Variants in EGFLAM observed in about 807,000 individuals in gnomAD.
EGFLAM encodes pikachurin.
Under a neutral mutation model 113.1 loss-of-function variants are expected in EGFLAM, and 79 were observed. The observed-to-expected ratio is 0.70, with a 90% CI of 0.58 to 0.84. The LOEUF (loss-of-function observed/expected upper bound fraction) is 0.84. Ranked by LOEUF, EGFLAM falls within the 40% of genes least tolerant of loss-of-function variation. The pLI is 0.00. For synonymous variants in EGFLAM, 504 were observed against 487.6 expected (o/e 1.03, Z -0.44); for missense variants, 1,265 against 1,291.6 (o/e 0.98, Z 0.32).
chr5:38,436,836 G>A (rs1005974770), intron 16 of EGFLAM, among the ~76,000 whole-genome samples: 3 of 152,200 alleles, frequency 2.0e-5, no homozygotes, highest in Non-Finnish European at 2.9e-5. Flanking sequence ...GATTGTAGAA[G>A]GATCCTGGCT....
intron 5 of EGFLAM, among the ~76,000 whole-genome samples, chr5:38,368,250 G>A (rs1362858348): frequency 6.6e-6 from 1 of 152,182 alleles, no homozygotes; most frequent in African/African-American, 2.4e-5. Context: ...TTGTAAATGT[G>A]TTTCCTTCCA....
chr5:38,390,253 T>C (rs1053505771), intron 6 of EGFLAM, among the ~76,000 whole-genome samples: 3 of 152,214 alleles, frequency 2.0e-5, no homozygotes, highest in African/African-American at 7.2e-5. Flanking sequence ...TTAGCATTTT[T>C]TATAAATGCT....
At chr5:38,463,787 C>A in intron 21 of EGFLAM, 45 bp from the exon 22 acceptor site, 2 of 1,604,344 alleles carry the variant, frequency 1.2e-6, no homozygotes, top group South Asian at 1.1e-5. Flanking sequence ...GCCCTGCGGA[C>A]ACCTGTCCTT....
chr5:38,427,372 C>G, intron 14 of EGFLAM, 120 bp downstream of exon 14: 7 of 1,486,364 alleles, frequency 4.7e-6, no homozygotes, highest in Non-Finnish European at 6.3e-6. Flanking sequence ...ACATGCTTAT[C>G]TTCTGAAACT....
rs750261799 is a variant in EGFLAM at position 38,445,639 on chromosome 5, G to A, written c.2465-2662G>A. On this transcript the variant is annotated intron_variant, in intron 17 of 21. Coordinates refer to ENST00000322350, the MANE Select transcript of EGFLAM (RefSeq NM_152403.4). ...TGGGATTTGACAAGGACTGTGAAAG[G>A]CTGACTCTCCCTGTTCTCTTTCATG... The A allele has an allele frequency of 1.9e-6, 3 of 1,598,482 alleles. No individual in the cohort carries two copies. In the African/African-American group the frequency reaches 4.0e-5, roughly 21 times the overall value.
At position 38,448,363 on chromosome 5, in the gene EGFLAM, C is replaced by G. The variant is rs1742794145; in HGVS notation, c.2527C>G (p.Pro843Ala). Reference sequence around the variant, plus strand: ...CCGCAGTTACCTGACGTATGACAACCCAGATATCTTGAAGAGGTAATAAGC... The same window carrying G: ...CCGCAGTTACCTGACGTATGACAACGCAGATATCTTGAAGAGGTAATAAGC... Reference protein sequence around the residue: ...IGRSYLTYDNPDILKRVSGSR... With the variant: ...IGRSYLTYDNADILKRVSGSR... Residue 843 changes from proline (P) to alanine (A), a missense_variant, in exon 18 of 22, where the codon CCA becomes GCA. Pro to Ala is a conservative substitution (Grantham distance 27, BLOSUM62 -1). Transcript: ENST00000322350. 7 of 1,614,106 alleles carry G rather than the reference C, an allele frequency of 4.3e-6. No individual in the cohort carries two copies. In the East Asian group the frequency reaches 1.6e-4, roughly 36 times the overall value.
intron 6 of EGFLAM, among the ~76,000 whole-genome samples, chr5:38,379,878 A>G (rs532213538): frequency 6.6e-6 from 1 of 152,042 alleles, no homozygotes; most frequent in South Asian, 2.1e-4. Flanking sequence ...TCATGCTGCT[A>G]GCTTTGTTTG....
intron 6 of EGFLAM, chr5:38,402,063 C>T (rs1288801027): frequency 2.0e-5 from 3 of 152,064 alleles, no homozygotes; most frequent in East Asian, 3.9e-4. Context: ...AATGCATGCC[C>T]TCTGGGAGAA....
intron 1 of EGFLAM, among the ~76,000 whole-genome samples, chr5:38,289,865 A>C (rs901427203): frequency 6.6e-6 from 1 of 152,184 alleles, no homozygotes; most frequent in Non-Finnish European, 1.5e-5. Flanking sequence ...CATTACTTAA[A>C]GTCTTTTGGC....
intron 17 of EGFLAM, 66 bp downstream of exon 17, chr5:38,438,521 G>A: frequency 1.4e-6 from 2 of 1,425,960 alleles, no homozygotes; most frequent in Non-Finnish European, 9.3e-7. Context: ...CCAATTGGGG[G>A]ACCACAACTC....
rs149522249 is a variant in EGFLAM at position 38,280,673 on chromosome 5, C to T, written c.97+21822C>T. 5.9e-4 allele frequency among the ~76,000 whole-genome samples: 90 copies of T among 152,318 alleles called. No individual in the cohort carries two copies. In the South Asian group the frequency reaches 9.9e-3, roughly 17 times the overall value. ...AACAATGTCTTATTGGTTCTGGTCT[C>T]TGGGTGCATCAGTGTCCCTAGTTGT... is the stretch of plus-strand genomic sequence containing the variant. On this transcript the variant is annotated intron_variant, in intron 1 of 21. Transcript: ENST00000322350.
At chr5:38,358,067 G>A (rs1047696355) in intron 5 of EGFLAM, among the ~76,000 whole-genome samples, 7 of 150,516 alleles carry the variant, frequency 4.7e-5, no homozygotes, top group Non-Finnish European at 1.0e-4. Flanking sequence ...AAGACCACTT[G>A]AGCCCAAGAG....
At position 38,387,913 on chromosome 5, in the gene EGFLAM, T is replaced by C. The variant is rs55732440; in HGVS notation, c.712+17451T>C. ...CTCAAGCCAGGCTTCTTTCCCTGAT[T>C]TAAGACTGACTGTCTTTGCCTGACC... is the stretch of plus-strand genomic sequence containing the variant. On this transcript the variant is annotated intron_variant, in intron 6 of 21. Transcript: ENST00000322350. Among the ~76,000 whole-genome samples, 370 of 152,308 alleles carry C rather than the reference T, an allele frequency of 2.4e-3. 1 individual carries two copies. Among genetic ancestry groups the C allele is most frequent in the African/African-American group, 6.7e-3 (279 of 41,574 alleles).
chr5:38,400,567 G>A lies in EGFLAM; in HGVS notation c.713-5559G>A, dbSNP rs114136804. ...TAACATTGGTAAAAACTTCCTGTAA[G>A]CTGTGGATTTGGGATCTGAGGTGGC... is the stretch of plus-strand genomic sequence containing the variant. On this transcript the variant is annotated intron_variant, in intron 6 of 21. Coordinates refer to ENST00000322350, the MANE Select transcript of EGFLAM (RefSeq NM_152403.4). Among the ~76,000 whole-genome samples the A allele has an allele frequency of 6.8e-3, 1,035 of 152,280 alleles. 7 individuals are homozygous for A. Among genetic ancestry groups the A allele is most frequent in the African/African-American group, 0.023 (953 of 41,546 alleles).
intron 5 of EGFLAM, among the ~76,000 whole-genome samples, chr5:38,359,896 A>G (rs951233533): frequency 3.9e-5 from 6 of 152,116 alleles, no homozygotes; most frequent in African/African-American, 1.2e-4. Context: ...CTTCCATAAT[A>G]AGACTTGAAG....
chr5:38,408,110 C>T (rs4133007), intron 9 of EGFLAM, among the ~76,000 whole-genome samples: 20,043 of 152,064 alleles, frequency 0.13, 1,590 homozygotes, highest in Non-Finnish European at 0.17. Context: ...AGTGAGGAGA[C>T]GGTGGGTTTG....
chr5:38,415,795 C>A (rs1741621226), intron 11 of EGFLAM, among the ~76,000 whole-genome samples: 1 of 152,094 alleles, frequency 6.6e-6, no homozygotes, highest in Non-Finnish European at 1.5e-5. Context: ...CCTCAGGAAA[C>A]TTACAATCAT....
intron 19 of EGFLAM, among the ~76,000 whole-genome samples, chr5:38,456,773 C>G (rs543506761): frequency 6.6e-6 from 1 of 152,176 alleles, no homozygotes; most frequent in South Asian, 2.1e-4. Context: ...CTCGACATCC[C>G]TCTCTCTTGG....
chr5:38,309,963 C>T (rs1738380870), intron 1 of EGFLAM, among the ~76,000 whole-genome samples: 1 of 152,166 alleles, frequency 6.6e-6, no homozygotes, highest in South Asian at 2.1e-4. Flanking sequence ...GCCATGACAG[C>T]GATGGCTCAA....
Sources: allele counts gnomAD v4.1 joint callset (sites outside exome capture counted in the v4.1 genomes callset), GRCh38; gene constraint gnomAD v4.1.1; transcripts MANE v1.5; gene names NCBI Gene and HGNC (gene_info 2026-07-23, HGNC 2026-07-21).